Variants in MACF1 observed in about 807,000 individuals in gnomAD.
MACF1 encodes microtubule-actin cross-linking factor 1.
A neutral mutation model predicts 854.8 loss-of-function variants in MACF1; 193 were observed. The ratio of observed to expected loss-of-function variants is 0.23; its 90% CI spans 0.20 to 0.25. The LOEUF (loss-of-function observed/expected upper bound fraction) is 0.25, where lower values mean the gene tolerates loss of function less well. Among genes scored for constraint, MACF1 ranks in the 10% least tolerant of loss-of-function variants. The pLI, the probability that MACF1 is intolerant of heterozygous loss-of-function variation, is 1.00. For synonymous variants in MACF1, 3,185 were observed against 3,226.7 expected (o/e 0.99, Z 0.44); for missense variants, 7,722 against 8,929.1 (o/e 0.86, Z 5.45).
intron 40 of MACF1, among the ~76,000 whole-genome samples, chr1:39,346,357 G>A (rs1376143180): frequency 6.6e-6 from 1 of 151,948 alleles, no homozygotes. Context: ...GCGAAACTCT[G>A]TATCAAAAGG....
chr1:39,477,131 T>TACACACACACACACAC (rs562347733), intron 97 of MACF1, among the ~76,000 whole-genome samples: 3 of 91,298 alleles, frequency 3.3e-5, no homozygotes, highest in South Asian at 3.7e-4. Context: ...TATATATATA[T>TACACACACACACACAC]ATATACACAC....
intron 70 of MACF1, among the ~76,000 whole-genome samples, chr1:39,437,035 A>G (rs1352365327): frequency 1.3e-5 from 2 of 152,170 alleles, no homozygotes; most frequent in East Asian, 3.9e-4. Flanking sequence ...CCATCCATTT[A>G]CACAGCTGGT....
chr1:39,189,975 T>C (rs1557507724), intron 2 of MACF1, among the ~76,000 whole-genome samples: 1 of 152,172 alleles, frequency 6.6e-6, no homozygotes, highest in Non-Finnish European at 1.5e-5. Context: ...AATTTAGAGA[T>C]CTAGAATGTG....
At chr1:39,319,923 G>A (rs1241292793) in intron 31 of MACF1, among the ~76,000 whole-genome samples, 176 bp downstream of exon 31, 1 of 152,188 alleles carries the variant, frequency 6.6e-6, no homozygotes, top group African/African-American at 2.4e-5. Flanking sequence ...GGGGTTGCTT[G>A]GAGAAGTAGC....
chr1:39,454,318 A>G (rs1644394614), intron 88 of MACF1, among the ~76,000 whole-genome samples: 1 of 152,204 alleles, frequency 6.6e-6, no homozygotes. Flanking sequence ...AAAACCAATT[A>G]TAGGCCTTGA....
At chr1:39,308,837 A>T (rs1397209781) in intron 23 of MACF1, among the ~76,000 whole-genome samples, 1 of 151,754 alleles carries the variant, frequency 6.6e-6, no homozygotes, top group African/African-American at 2.4e-5. Flanking sequence ...TGTATTTTTA[A>T]TAGAGATGGG....
Position 39,356,376 on chromosome 1 carries a change from AT to A in MACF1, c.11425-985del, listed in dbSNP as rs370740349. On this transcript the variant is annotated intron_variant, in intron 44 of 100. Coordinates refer to ENST00000564288, the MANE Select transcript of MACF1 (RefSeq NM_001394062.1). Reference sequence around the variant, plus strand: ...ACATATTTCACAGTTAAGAACTTGCATTTTTTTTTTTTTTGAGATGGAGTCT... The same window carrying A: ...ACATATTTCACAGTTAAGAACTTGCATTTTTTTTTTTTTGAGATGGAGTCT... Among the ~76,000 whole-genome samples, 146 of 143,830 alleles carry A rather than the reference AT, an allele frequency of 1.0e-3. 1 individual carries two copies. The Middle Eastern group carries it at 0.011, about 11-fold the overall frequency. 94.4% of individuals were successfully genotyped at this position (143,830 alleles called of 152,430 possible).
chr1:39,472,169 C>G (rs1207292616), intron 97 of MACF1, among the ~76,000 whole-genome samples: 1 of 152,168 alleles, frequency 6.6e-6, no homozygotes, highest in Non-Finnish European at 1.5e-5. Context: ...AATCCTATCA[C>G]AGTAGTCAAC....
upstream of MACF1, chr1:39,204,446 A>T (rs1644427641): frequency 6.5e-6 from 1 of 152,944 alleles, no homozygotes; most frequent in South Asian, 2.1e-4. Flanking sequence ...GGTTGTGGGT[A>T]TGGAGGGTTT....
chr1:39,458,662 G>A (rs946969230), intron 90 of MACF1, 172 bp downstream of exon 90: 4 of 771,372 alleles, frequency 5.2e-6, no homozygotes, highest in Non-Finnish European at 8.0e-6. Context: ...GACAGTAGCT[G>A]TACTCCATAT....
At chr1:39,301,292 A>C (rs745537371) in intron 22 of MACF1, among the ~76,000 whole-genome samples, 1 of 151,498 alleles carries the variant, frequency 6.6e-6, no homozygotes, top group African/African-American at 2.4e-5. Flanking sequence ...ATGCCCGCCT[A>C]AGTTTTTGTA....
intron 2 of MACF1, among the ~76,000 whole-genome samples, chr1:39,116,038 G>A (rs1181662575): frequency 6.6e-6 from 1 of 152,090 alleles, no homozygotes; most frequent in Non-Finnish European, 1.5e-5. Flanking sequence ...AGAGAGAGGA[G>A]GAAGACAGGT....
chr1:39,355,257 T>A (rs1012626153), intron 44 of MACF1, among the ~76,000 whole-genome samples: 3 of 152,160 alleles, frequency 2.0e-5, no homozygotes, highest in African/African-American at 7.2e-5. Flanking sequence ...ATAGGGCTCC[T>A]CTGACACCTT....
intron 2 of MACF1, among the ~76,000 whole-genome samples, chr1:39,150,435 A>C (rs1440017444): frequency 6.6e-6 from 1 of 152,200 alleles, no homozygotes; most frequent in Non-Finnish European, 1.5e-5. Context: ...AATACAGTGG[A>C]TTATTGTCAT....
In MACF1 at chr1:39,428,275, T is replaced by C. The variant is rs2148646783; in HGVS notation, c.16791T>C (p.His5597=). 1.2e-6 allele frequency: 2 copies of C among 1,609,908 alleles called. No homozygotes were observed. Among genetic ancestry groups the C allele is most frequent in the Non-Finnish European group, 1.7e-6 (2 of 1,177,656 alleles). ...AACAGGATGTCCTGCACAGGCAGCA[T>C]GCTGACCACCTGGTATTCATGTTTC... ...DFKQDVLHRQ[H]ADHLALNEEI... The change falls in exon 63 of 101, where the codon CAT becomes CAC. Residue 5597 remains histidine, a synonymous_variant. Coordinates refer to ENST00000564288, the MANE Select transcript of MACF1 (RefSeq NM_001394062.1).
chr1:39,102,952 T>C (rs893223222), intron 2 of MACF1: 1 of 701,578 alleles, frequency 1.4e-6, no homozygotes, highest in African/African-American at 1.7e-5. Context: ...TGTAAAATTT[T>C]CTCTGTATAA....
intron 6 of MACF1, chr1:39,268,758 G>T: frequency 1.6e-6 from 2 of 1,289,394 alleles, no homozygotes; most frequent in Non-Finnish European, 2.0e-6. Flanking sequence ...TCCTGAGAAG[G>T]CTCCCATATC....
rs2124125451 is a variant in MACF1, at chr1:39,468,646, G to A, written c.21803G>A (p.Arg7268His). 6.2e-7 allele frequency: 1 copy of A among 1,614,122 alleles called. No homozygotes were observed. The highest frequency in any genetic ancestry group is 8.5e-7 in the Non-Finnish European group (1 of 1,179,996). Residue 7268 changes from arginine (R) to histidine (H), a missense_variant, in exon 96 of 101, where the codon CGT (arginine) becomes CAT (histidine). This residue lies in a region of MACF1 where 153 missense variants were observed against 342.5 expected (regional missense o/e 0.45). Coordinates refer to ENST00000564288, the MANE Select transcript of MACF1 (RefSeq NM_001394062.1). ...GATTCTCAGCAGTTGCGGCTGGTCC[G>A]TATTCTGCGCAGCACCGTGATGGTT... ...FGDSQQLRLV[R>H]ILRSTVMVRV...
chr1:39,184,341 A>G (rs1032121824), intron 2 of MACF1, among the ~76,000 whole-genome samples: 3 of 152,156 alleles, frequency 2.0e-5, no homozygotes, highest in African/African-American at 4.8e-5. Flanking sequence ...TGAGCCTCAC[A>G]TGGTCATACT....
Sources: allele counts gnomAD v4.1 joint callset (sites outside exome capture counted in the v4.1 genomes callset), GRCh38; gene constraint gnomAD v4.1.1; regional missense constraint gnomAD v4.1.1; transcripts MANE v1.5; gene names NCBI Gene and HGNC (gene_info 2026-07-23, HGNC 2026-07-21).